The following HERC1 variants were observed in gnomAD, a reference collection of about 807,000 sequenced individuals.
HERC1 encodes HECT and RLD domain containing E3 ubiquitin protein ligase family member 1, also known as probable E3 ubiquitin-protein ligase HERC1.
HERC1 carries 160 observed loss-of-function variants against 554.3 expected under a neutral mutation model. The observed-to-expected ratio is 0.29, with a 90% CI of 0.25 to 0.33. The LOEUF (loss-of-function observed/expected upper bound fraction) is 0.33, where lower values mean the gene tolerates loss of function less well. Among genes scored for constraint, HERC1 ranks in the 10% least tolerant of loss-of-function variants. The pLI is 1.00. For synonymous variants in HERC1, 2,175 were observed against 2,131.7 expected, an observed-to-expected ratio of 1.02 and a Z score of -0.56; for missense variants, 4,919 against 5,918.5, an observed-to-expected ratio of 0.83 and a Z score of 5.54.
At position 63,692,375 on chromosome 15, in the gene HERC1, TATAA is replaced by T; in HGVS notation, c.5830+32_5830+35del. ...ATCTTAATAAAATGCAAGTAATATCTATAAATACTCTAAGACAAAGGCAAAGGAC... is the reference window on the plus strand; with the variant it reads ...ATCTTAATAAAATGCAAGTAATATCTATACTCTAAGACAAAGGCAAAGGAC... On this transcript the variant is annotated intron_variant, in intron 31 of 77. Coordinates refer to ENST00000443617, the MANE Select transcript of HERC1 (RefSeq NM_003922.4). This position sits in a 1 kb window ranked among gnomAD's most constrained non-coding sequence, Gnocchi z 4.7. The T allele has an allele frequency of 6.6e-7, 1 of 1,515,714 alleles. No individual in the cohort carries two copies. Among genetic ancestry groups the T allele is most frequent in the East Asian group, 2.3e-5 (1 of 43,622 alleles). 93.9% of individuals were successfully genotyped at this position (1,515,714 alleles called of 1,614,324 possible). A position where few individuals can be genotyped will look rare whatever the true frequency, so the allele number is the denominator to read the frequency against.
intron 30 of HERC1, among the ~76,000 whole-genome samples, chr15:63,693,648 C>A (rs1345196928): frequency 2.0e-5 from 3 of 152,116 alleles, no homozygotes; most frequent in Non-Finnish European, 4.4e-5. Context: ...TGAGCTTCCC[C>A]CTAGGCAAAA....
At chr15:63,668,244 T>A (rs2070738492) in intron 40 of HERC1, among the ~76,000 whole-genome samples, 1 of 151,840 alleles carries the variant, frequency 6.6e-6, no homozygotes. Flanking sequence ...GTAGAGAATA[T>A]CAGATTGGAT....
Position 63,756,376 on chromosome 15 carries a change from C to T in HERC1, c.1533+61G>A. The T allele has an allele frequency of 1.5e-6, 2 of 1,373,604 alleles. No homozygotes were observed. The highest frequency in any genetic ancestry group is 1.9e-4 in the Middle Eastern group (1 of 5,340). The allele number at this position is 1,373,604 out of a possible 1,614,324, so 85.1% of individuals were successfully genotyped here. A position where few individuals can be genotyped will look rare whatever the true frequency, so the allele number is the denominator to read the frequency against. The stretch of plus-strand genomic sequence containing the variant: ...AAAGAACACATCAAAATCTGAACGA[C>T]ATTGTCAATTACAACTCCAATGCAT... On this transcript the variant is annotated intron_variant, in intron 5 of 77. Coordinates refer to ENST00000443617, the MANE Select transcript of HERC1 (RefSeq NM_003922.4). This position sits in a 1 kb window ranked among gnomAD's most constrained non-coding sequence, Gnocchi z 5.0.
chr15:63,610,666 G>A (rs1352802224), intron 77 of HERC1, among the ~76,000 whole-genome samples: 3 of 152,238 alleles, frequency 2.0e-5, no homozygotes, highest in African/African-American at 7.2e-5. Context: ...CCTAGCCCAG[G>A]AGCAGAGCAG....
intron 33 of HERC1, among the ~76,000 whole-genome samples, 170 bp from the exon 34 acceptor site, chr15:63,686,705 C>T (rs1278738183): frequency 6.6e-6 from 1 of 152,170 alleles, no homozygotes; most frequent in Non-Finnish European, 1.5e-5. Context: ...GGTCCCTTCC[C>T]CATAAAGAGC....
intron 42 of HERC1, 33 bp downstream of exon 42, chr15:63,665,886 C>G (rs1236145924): frequency 1.3e-6 from 2 of 1,516,654 alleles, no homozygotes; most frequent in Admixed American, 1.8e-5. Flanking sequence ...ATTTATAACA[C>G]ATGGAACAAA....
intron 59 of HERC1, 21 bp from the exon 60 acceptor site, chr15:63,641,664 C>T (rs2069070127): frequency 6.7e-7 from 1 of 1,503,212 alleles, no homozygotes; most frequent in Non-Finnish European, 9.0e-7. Flanking sequence ...ATAAATCATG[C>T]CACATAATAA....
At chr15:63,754,207 T>C (rs1052489544) in intron 7 of HERC1, among the ~76,000 whole-genome samples, 3 of 151,748 alleles carry the variant, frequency 2.0e-5, no homozygotes, top group African/African-American at 7.3e-5. Context: ...AAAACATATA[T>C]ATGTCAAAAC....
intron 1 of HERC1, among the ~76,000 whole-genome samples, chr15:63,817,487 G>A (rs771748453): frequency 5.3e-5 from 8 of 152,178 alleles, no homozygotes; most frequent in Non-Finnish European, 1.0e-4. Flanking sequence ...GGCCGAGGCA[G>A]GTGGATCACC....
At chr15:63,695,234 G>A (rs891894355) in intron 27 of HERC1, among the ~76,000 whole-genome samples, 2 of 151,892 alleles carry the variant, frequency 1.3e-5, no homozygotes, top group Non-Finnish European at 1.5e-5. Flanking sequence ...ACAGGGTTTC[G>A]CCATATTGTC....
chr15:63,712,305 T>C (rs551720480), intron 24 of HERC1, among the ~76,000 whole-genome samples: 2 of 152,290 alleles, frequency 1.3e-5, no homozygotes, highest in African/African-American at 4.8e-5. Context: ...GGAGAGGACA[T>C]TGGAGACACA....
chr15:63,771,686 G>T (rs1332555471), intron 2 of HERC1, among the ~76,000 whole-genome samples: 1 of 152,042 alleles, frequency 6.6e-6, no homozygotes, highest in African/African-American at 2.4e-5. Flanking sequence ...GCCCGCCTCG[G>T]CCTCCCAAAG....
chr15:63,733,864 A>T lies in HERC1; in HGVS notation c.2647-719T>A, dbSNP rs556631298. Among the ~76,000 whole-genome samples the T allele has an allele frequency of 6.5e-4, 99 of 151,912 alleles. No homozygotes were observed. The South Asian group carries it at 0.018, about 27-fold the overall frequency. On this transcript the variant is annotated intron_variant, in intron 13 of 77. Coordinates refer to ENST00000443617, the MANE Select transcript of HERC1 (RefSeq NM_003922.4). The stretch of plus-strand genomic sequence containing the variant: ...AAAACCCTGTCTCAAAAAGAAAAAT[A>T]AAAAAATCACCTATGGACCAGGCAT...
chr15:63,747,972 T>C (rs1567083172), intron 10 of HERC1, 114 bp from the exon 11 acceptor site: 1 of 1,019,284 alleles, frequency 9.8e-7, no homozygotes, highest in Non-Finnish European at 1.4e-6. Flanking sequence ...ATGCCTGTAA[T>C]CCTAGCACTT....
rs778762481 is a variant in HERC1, at chr15:63,733,058, C to G, written c.2734G>C (p.Ala912Pro). ...LLGYSSPSDA[A>P]DLSSVCTGYG... ...CCAGTACACACAGAAGATAGGTCAG[C>G]AGCATCAGAGGGTGAACTATAGCCA... The change falls in exon 14 of 78, where the codon GCT becomes CCT. Residue 912 changes from alanine to proline, a missense_variant. Ala to Pro is a conservative substitution (Grantham distance 27, BLOSUM62 -1). This residue lies in a region of HERC1 where 744 missense variants were observed against 1,090.0 expected (regional missense o/e 0.68). Coordinates refer to ENST00000443617, the MANE Select transcript of HERC1 (RefSeq NM_003922.4). 2.5e-6 allele frequency: 4 copies of G among 1,613,878 alleles called. No homozygotes were observed. Among genetic ancestry groups the G allele is most frequent in the Non-Finnish European group, 2.5e-6 (3 of 1,179,782 alleles).
Position 63,647,053 on chromosome 15 carries a change from G to T in HERC1, c.10878+1016C>A, listed in dbSNP as rs1219221504. ...GTGGATCACTTGAGGTCAGGAGTTCGAGACCAGCCTGACCAACATGGTGAA... is the reference window on the plus strand; with the variant it reads ...GTGGATCACTTGAGGTCAGGAGTTCTAGACCAGCCTGACCAACATGGTGAA... On this transcript the variant is annotated intron_variant, in intron 55 of 77. Transcript: ENST00000443617. Among the ~76,000 whole-genome samples the T allele has an allele frequency of 4.6e-5, 7 of 152,014 alleles. No individual in the cohort carries two copies. In the East Asian group the frequency reaches 1.4e-3, roughly 29 times the overall value.
In HERC1 at chr15:63,686,373, A is replaced by C; in HGVS notation, c.6211T>G (p.Cys2071Gly). Residue 2071 changes from cysteine to glycine, a missense_variant, in exon 34 of 78, where the codon TGC (cysteine) becomes GGC (glycine). Coordinates refer to ENST00000443617, the MANE Select transcript of HERC1 (RefSeq NM_003922.4). ...TTTCTACGTACCTTCCACTGATAGC[A>C]CCCAGAAGTTACTCCTGTAGATGCC... ...GLASTGVTSG[C>G]YQWKFYIVKE... The C allele has an allele frequency of 6.2e-7, 1 of 1,608,494 alleles. No homozygotes were observed. Among genetic ancestry groups the C allele is most frequent in the Non-Finnish European group, 8.5e-7 (1 of 1,178,308 alleles).
intron 1 of HERC1, among the ~76,000 whole-genome samples, chr15:63,810,569 C>T (rs1408500534): frequency 6.6e-6 from 1 of 152,078 alleles, no homozygotes; most frequent in Admixed American, 6.6e-5. Flanking sequence ...GGAGATATAT[C>T]TTTTGCTATA....
At chr15:63,627,361 A>C (rs1388581985) in intron 70 of HERC1, among the ~76,000 whole-genome samples, 3 of 152,162 alleles carry the variant, frequency 2.0e-5, no homozygotes, top group Non-Finnish European at 4.4e-5. Context: ...AGATGGTAGA[A>C]AGACAAGGCT....
Sources: gnomAD v4.1 joint callset for allele counts (sites outside exome capture counted in the v4.1 genomes callset) on GRCh38, gnomAD v4.1.1 for gene constraint, gnomAD v4.1.1 regional missense constraint, Gnocchi (gnomAD v3.1) non-coding constraint, MANE v1.5 for transcripts, NCBI Gene and HGNC (gene_info 2026-07-23, HGNC 2026-07-21) for gene names.